Variants in UMAD1 observed in about 807,000 individuals in gnomAD.
UMAD1 encodes UBAP1-MVB12-associated (UMA)-domain containing protein 1.
A neutral mutation model predicts 6.1 loss-of-function variants in UMAD1; 8 were observed. The observed-to-expected ratio is 1.30, with a 90% confidence interval of 0.76 to 2.35. UMAD1 has a LOEUF of 2.35. UMAD1 is among the 30% of genes most tolerant of loss of function. The pLI, the probability that UMAD1 is intolerant of heterozygous loss-of-function variation, is 0.00. For synonymous variants in UMAD1, 56 were observed against 31.4 expected, an observed-to-expected ratio of 1.78 and a Z score of -2.61; for missense variants, 130 against 78.4, an observed-to-expected ratio of 1.66 and a Z score of -2.49.
chr7:7,805,736 G>T (rs549809438), intron 3 of UMAD1, among the ~76,000 whole-genome samples: 1 of 152,196 alleles, frequency 6.6e-6, no homozygotes, highest in East Asian at 1.9e-4. Flanking sequence ...TCCTATCTCA[G>T]GCTTTGTATT....
intron 3 of UMAD1, among the ~76,000 whole-genome samples, chr7:7,824,799 T>C (rs2115299561): frequency 6.6e-6 from 1 of 152,246 alleles, no homozygotes; most frequent in Admixed American, 6.5e-5. Flanking sequence ...TTAGGTAAAT[T>C]TCATCCTGTT....
intron 2 of UMAD1, among the ~76,000 whole-genome samples, chr7:7,764,441 G>C (rs544005310): frequency 6.6e-6 from 1 of 152,332 alleles, no homozygotes; most frequent in African/African-American, 2.4e-5. Flanking sequence ...TTATACAGTG[G>C]ATATAAGCAA....
chr7:7,776,480 T>C (rs1250982141), intron 2 of UMAD1, among the ~76,000 whole-genome samples: 2 of 152,170 alleles, frequency 1.3e-5, no homozygotes, highest in Non-Finnish European at 2.9e-5. Context: ...TAGTAAACCA[T>C]GGGGAAAACT....
intron 1 of UMAD1, among the ~76,000 whole-genome samples, chr7:7,665,536 A>T (rs1779422060): frequency 6.6e-6 from 1 of 152,212 alleles, no homozygotes; most frequent in African/African-American, 2.4e-5. Flanking sequence ...CTTTATTGAG[A>T]TTGGATCAGT....
chr7:7,782,736 T>C lies in UMAD1; in HGVS notation c.83-18934T>C, dbSNP rs867816364. On this transcript the variant is annotated intron_variant, in intron 2 of 3. Transcript: ENST00000682710. The stretch of plus-strand genomic sequence containing the variant: ...AATGTCTTGTGTATAACCTCTCTCT[T>C]TTTTTTTTTTTTTTTTTTGAGACGG... 4.1e-3 allele frequency among the ~76,000 whole-genome samples: 396 copies of C among 96,000 alleles called. 4 individuals carry two copies. The highest frequency in any genetic ancestry group is 0.025 in the African/African-American group (369 of 14,822). 63.0% of individuals were successfully genotyped at this position (96,000 alleles called of 152,430 possible). A position where few individuals can be genotyped will look rare whatever the true frequency, so the allele number is the denominator to read the frequency against.
At chr7:7,842,662 T>C (rs1563251897) in intron 3 of UMAD1, among the ~76,000 whole-genome samples, 1 of 152,112 alleles carries the variant, frequency 6.6e-6, no homozygotes, top group Non-Finnish European at 1.5e-5. Flanking sequence ...AGAAAGCTTA[T>C]TATCTGAAGA....
chr7:7,740,511 T>G (rs961952482), intron 2 of UMAD1, among the ~76,000 whole-genome samples: 1 of 152,248 alleles, frequency 6.6e-6, no homozygotes. Flanking sequence ...TTATTTGCCC[T>G]AAATTATTTC....
intron 2 of UMAD1, among the ~76,000 whole-genome samples, chr7:7,761,363 T>TAAAAAAAAAAAAAAAAAAAAAAAAAAAA (rs375910269): frequency 1.7e-5 from 2 of 121,152 alleles, no homozygotes; most frequent in African/African-American, 7.0e-5. Flanking sequence ...GAGACCTAAC[T>TAAAAAAAAAAAAAAAAAAAAAAAAAAAA]AAAAAAAAAA....
At chr7:7,735,804 A>G (rs12154665) in intron 2 of UMAD1, 45,234 of 152,208 alleles carry the variant, frequency 0.3, 7,758 homozygotes, top group African/African-American at 0.48. Flanking sequence ...CCCCGAAGTC[A>G]GCCTCACTGA....
At chr7:7,803,035 T>C (rs992447900) in intron 3 of UMAD1, among the ~76,000 whole-genome samples, 10 of 152,206 alleles carry the variant, frequency 6.6e-5, no homozygotes, top group Admixed American at 5.9e-4. Flanking sequence ...ATTCTTTCAC[T>C]TATGCATGCA....
At position 7,672,777 on chromosome 7, in the gene UMAD1, G is replaced by T. The variant is rs918002710; in HGVS notation, c.-63-532G>T. Among the ~76,000 whole-genome samples the T allele has an allele frequency of 5.9e-4, 89 of 152,130 alleles. 2 individuals are homozygous for T. The highest frequency in any genetic ancestry group is 2.0e-4 in the Admixed American group (3 of 15,274). Reference sequence around the variant, plus strand: ...TTTCTTTATAAATCACTCAGTCGAGGATATTTCTTCATAGCAGTGTGAGAA... The same window carrying T: ...TTTCTTTATAAATCACTCAGTCGAGTATATTTCTTCATAGCAGTGTGAGAA... On this transcript the variant is annotated intron_variant, in intron 1 of 3. Transcript: ENST00000682710.
intron 2 of UMAD1, among the ~76,000 whole-genome samples, chr7:7,690,645 A>G (rs1780151731): frequency 6.6e-6 from 1 of 152,196 alleles, no homozygotes; most frequent in African/African-American, 2.4e-5. Context: ...TTTCTGTTTG[A>G]TAGTTATATA....
intron 2 of UMAD1, among the ~76,000 whole-genome samples, chr7:7,741,334 G>A (rs1045030413): frequency 1.3e-5 from 2 of 151,704 alleles, no homozygotes; most frequent in Non-Finnish European, 2.9e-5. Context: ...CACTTTGGGA[G>A]GCTGAGGCGG....
intron 3 of UMAD1, among the ~76,000 whole-genome samples, chr7:7,845,083 A>AT (rs1030516260): frequency 2.3e-4 from 35 of 152,102 alleles, no homozygotes; most frequent in African/African-American, 8.4e-4. Context: ...AACATTTGTA[A>AT]TGTGGGTAGT....
In UMAD1 at chr7:7,715,482, G is replaced by A. The variant is rs993788345; in HGVS notation, c.82+42029G>A. ...TTATTTCAATAATTAATGCTTCCAT[G>A]AAATTATATAAACATTCATGCATTC... On this transcript the variant is annotated intron_variant, in intron 2 of 3. Coordinates refer to ENST00000682710, the MANE Select transcript of UMAD1 (RefSeq NM_001302348.2). Among the ~76,000 whole-genome samples the A allele has an allele frequency of 2.4e-4, 36 of 152,184 alleles. 1 individual carries two copies. Among genetic ancestry groups the A allele is most frequent in the Non-Finnish European group, 1.5e-5 (1 of 68,032 alleles).
intron 3 of UMAD1, among the ~76,000 whole-genome samples, chr7:7,813,308 G>A (rs186188843): frequency 6.2e-4 from 95 of 152,168 alleles, no homozygotes; most frequent in Non-Finnish European, 1.2e-3. Flanking sequence ...GAGTTCAGGC[G>A]ATTCTCCTGC....
intron 2 of UMAD1, among the ~76,000 whole-genome samples, chr7:7,684,720 A>G (rs1472127728): frequency 6.6e-6 from 1 of 152,204 alleles, no homozygotes; most frequent in African/African-American, 2.4e-5. Flanking sequence ...GCCATAGTAC[A>G]ACTATGAATT....
In UMAD1 at chr7:7,832,337, T is replaced by C. The variant is rs1260643287; in HGVS notation, c.156+30594T>C. On this transcript the variant is annotated intron_variant, in intron 3 of 3. Coordinates refer to ENST00000682710, the MANE Select transcript of UMAD1 (RefSeq NM_001302348.2). ...AGGTTTTTCTTTTGGAATTTTTTTT[T>C]CCCTTGAAAATTCCATTTCCTTTCT... is the stretch of plus-strand genomic sequence containing the variant. Among the ~76,000 whole-genome samples the C allele has an allele frequency of 3.9e-5, 6 of 152,312 alleles. 1 individual carries two copies. The highest frequency in any genetic ancestry group is 8.8e-5 in the Non-Finnish European group (6 of 68,012).
intron 2 of UMAD1, among the ~76,000 whole-genome samples, chr7:7,757,511 C>G (rs1244230995): frequency 6.6e-6 from 1 of 152,066 alleles, no homozygotes; most frequent in African/African-American, 2.4e-5. Context: ...CTTAAGCTAC[C>G]AAAGTAAAGC....
Sources: gnomAD v4.1 joint callset for allele counts (sites outside exome capture counted in the v4.1 genomes callset) on GRCh38, gnomAD v4.1.1 for gene constraint, MANE v1.5 for transcripts, NCBI Gene and HGNC (gene_info 2026-07-23, HGNC 2026-07-21) for gene names.